CAMKMT: variants seen among roughly 807,000 people sequenced by gnomAD.
CAMKMT encodes CaM KMT.
In CAMKMT, 53 loss-of-function variants were observed where a neutral mutation model predicts 48.0. The observed-to-expected ratio is 1.10, with a 90% CI of 0.89 to 1.39. The LOEUF is 1.39. CAMKMT is among the 40% of genes most tolerant of loss of function. The pLI, the probability that CAMKMT is intolerant of heterozygous loss-of-function variation, is 0.00. For missense variants in CAMKMT, 428 were observed against 402.7 expected (o/e 1.06, Z -0.54); for synonymous variants, 165 against 152.3 (o/e 1.08, Z -0.61).
At chr2:44,395,970 C>G (rs982143046) in intron 3 of CAMKMT, among the ~76,000 whole-genome samples, 1 of 151,804 alleles carries the variant, frequency 6.6e-6, no homozygotes, top group African/African-American at 2.4e-5. Context: ...TTCACAAAGA[C>G]CTAAATATAT....
intron 3 of CAMKMT, among the ~76,000 whole-genome samples, chr2:44,544,944 A>T (rs1667315236): frequency 1.3e-5 from 2 of 152,248 alleles, no homozygotes; most frequent in Admixed American, 1.3e-4. Context: ...AATTTTTTAA[A>T]GAATAATTTT....
At chr2:44,528,394 C>T (rs904267997) in intron 3 of CAMKMT, among the ~76,000 whole-genome samples, 2 of 152,114 alleles carry the variant, frequency 1.3e-5, no homozygotes, top group Non-Finnish European at 2.9e-5. Flanking sequence ...CAGTTACCAA[C>T]ACTTGGCCAA....
chr2:44,443,748 C>T (rs1666812826), intron 3 of CAMKMT, among the ~76,000 whole-genome samples: 1 of 152,116 alleles, frequency 6.6e-6, no homozygotes, highest in Non-Finnish European at 1.5e-5. Flanking sequence ...GTGTGCTTAT[C>T]TTGCTGCAAT....
At chr2:44,404,335 G>C (rs1682629062) in intron 3 of CAMKMT, among the ~76,000 whole-genome samples, 1 of 151,884 alleles carries the variant, frequency 6.6e-6, no homozygotes, top group African/African-American at 2.4e-5. Context: ...TATCATTTTT[G>C]CATATGTGTG....
intron 3 of CAMKMT, among the ~76,000 whole-genome samples, chr2:44,576,277 G>A (rs1203345814): frequency 2.7e-5 from 4 of 149,152 alleles, no homozygotes; most frequent in African/African-American, 7.5e-5. Context: ...GCAGTGAGCC[G>A]AGATTGCGTC....
chr2:44,558,549 G>A (rs1372446571), intron 3 of CAMKMT, among the ~76,000 whole-genome samples: 1 of 152,090 alleles, frequency 6.6e-6, no homozygotes, highest in African/African-American at 2.4e-5. Flanking sequence ...TCTCAGAGGT[G>A]GATTGGATAA....
intron 3 of CAMKMT, among the ~76,000 whole-genome samples, chr2:44,434,715 A>G (rs1429113988): frequency 6.6e-6 from 1 of 152,178 alleles, no homozygotes; most frequent in Non-Finnish European, 1.5e-5. Flanking sequence ...ACATCCAGAG[A>G]TGCTGTAAAT....
chr2:44,761,793 G>A (rs182796009), intron 9 of CAMKMT, among the ~76,000 whole-genome samples: 1 of 152,278 alleles, frequency 6.6e-6, no homozygotes, highest in East Asian at 1.9e-4. Flanking sequence ...GAGTGTATGC[G>A]TGTGTGTGTG....
chr2:44,625,223 C>T (rs1672411747), intron 3 of CAMKMT, among the ~76,000 whole-genome samples: 1 of 152,064 alleles, frequency 6.6e-6, no homozygotes, highest in African/African-American at 2.4e-5. Flanking sequence ...ATTGTGATTT[C>T]AATTTGCATT....
At chr2:44,576,710 G>C (rs1317271056) in intron 3 of CAMKMT, among the ~76,000 whole-genome samples, 2 of 152,202 alleles carry the variant, frequency 1.3e-5, no homozygotes, top group Non-Finnish European at 2.9e-5. Flanking sequence ...GGCATGTTAG[G>C]ATTAGTGAGA....
At position 44,653,564 on chromosome 2, in the gene CAMKMT, C is replaced by A. The variant is rs1331821616; in HGVS notation, c.377-50719C>A. On this transcript the variant is annotated intron_variant, in intron 3 of 10. Coordinates refer to ENST00000378494, the MANE Select transcript of CAMKMT (RefSeq NM_024766.5). The surrounding 1 kb of genome is among the most constrained non-coding windows in gnomAD (Gnocchi z 5.2). The stretch of plus-strand genomic sequence containing the variant: ...CTCTTTAGAGCCCATTTCTCTTATA[C>A]TCCAGTCATCCAAGGATTATAAAGG... 6.6e-6 allele frequency among the ~76,000 whole-genome samples: 1 copy of A among 152,156 alleles called. No homozygotes were observed. The highest frequency in any genetic ancestry group is 1.5e-5 in the Non-Finnish European group (1 of 68,036).
chr2:44,746,727 GA>G (rs922512034), intron 8 of CAMKMT, among the ~76,000 whole-genome samples: 1 of 151,958 alleles, frequency 6.6e-6, no homozygotes, highest in African/African-American at 2.4e-5. Context: ...CACAGGTGTA[GA>G]AAAAAAACCT....
chr2:44,629,000 G>A (rs1385987057), intron 3 of CAMKMT, among the ~76,000 whole-genome samples: 1 of 152,040 alleles, frequency 6.6e-6, no homozygotes, highest in African/African-American at 2.4e-5. Context: ...CCTTGTTTGA[G>A]GTCCTGTTTT....
Position 44,704,175 on chromosome 2 carries a change from G to C in CAMKMT, c.377-108G>C, listed in dbSNP as rs891740546. The C allele has an allele frequency of 7.9e-5, 51 of 647,998 alleles. No homozygotes were observed. In the African/African-American group the frequency reaches 8.8e-4, roughly 11 times the overall value. 40.1% of individuals were successfully genotyped at this position (647,998 alleles called of 1,614,324 possible). A position where few individuals can be genotyped will look rare whatever the true frequency, so the allele number is the denominator to read the frequency against. On this transcript the variant is annotated intron_variant, in intron 3 of 10. Transcript: ENST00000378494. The stretch of plus-strand genomic sequence containing the variant: ...ATGACATATTATAAGTAATAACAAT[G>C]TTGTTTGATTGAAGTTGAAATAGCT...
intron 3 of CAMKMT, among the ~76,000 whole-genome samples, chr2:44,623,710 GA>G (rs1558751850): frequency 6.6e-6 from 1 of 152,036 alleles, no homozygotes; most frequent in Non-Finnish European, 1.5e-5. Context: ...GAGTTTTAAT[GA>G]ATGTATATAC....
intron 3 of CAMKMT, among the ~76,000 whole-genome samples, chr2:44,560,610 A>G (rs1020776724): frequency 6.6e-6 from 1 of 152,206 alleles, no homozygotes; most frequent in African/African-American, 2.4e-5. Flanking sequence ...TGACCAGTCT[A>G]AAAAGAAAAA....
intron 7 of CAMKMT, among the ~76,000 whole-genome samples, chr2:44,740,693 G>A (rs539063228): frequency 6.6e-6 from 1 of 152,306 alleles, no homozygotes; most frequent in Non-Finnish European, 1.5e-5. Context: ...AGGTGCACAG[G>A]TGCAGTCATG....
intron 3 of CAMKMT, among the ~76,000 whole-genome samples, chr2:44,428,008 A>G (rs926035137): frequency 6.6e-6 from 1 of 152,010 alleles, no homozygotes; most frequent in African/African-American, 2.4e-5. Flanking sequence ...GTTGCCCACA[A>G]CCTCTGGAGC....
chr2:44,557,819 A>G (rs551768054), intron 3 of CAMKMT, among the ~76,000 whole-genome samples: 1 of 152,084 alleles, frequency 6.6e-6, no homozygotes, highest in South Asian at 2.1e-4. Flanking sequence ...TGCTGTTTTT[A>G]AAATATAAGG....
Sources: allele counts gnomAD v4.1 joint callset (sites outside exome capture counted in the v4.1 genomes callset), GRCh38; gene constraint gnomAD v4.1.1; non-coding constraint Gnocchi (gnomAD v3.1); transcripts MANE v1.5; gene names NCBI Gene and HGNC (gene_info 2026-07-23, HGNC 2026-07-21).